The following FSTL5 variants were observed in gnomAD, a reference collection of about 807,000 sequenced individuals.
The protein encoded by FSTL5 is follistatin-related protein 5.
A neutral mutation model predicts 89.1 loss-of-function variants in FSTL5; 62 were observed. That is an observed-to-expected ratio of 0.70 (90% CI 0.57 to 0.86). The LOEUF (loss-of-function observed/expected upper bound fraction) is 0.86, where lower values mean the gene tolerates loss of function less well. Ranked by LOEUF, FSTL5 falls within the 40% of genes least tolerant of loss-of-function variation. FSTL5 has a pLI of 0.00. For synonymous variants in FSTL5, 383 were observed against 346.2 expected (o/e 1.11, Z -1.18); for missense variants, 1,057 against 1,001.6 (o/e 1.06, Z -0.75).
chr4:161,620,445 G>A (rs1204152240), intron 7 of FSTL5, among the ~76,000 whole-genome samples: 3 of 152,140 alleles, frequency 2.0e-5, no homozygotes, highest in East Asian at 1.9e-4. Flanking sequence ...ACCTGAGGTC[G>A]GCATTTTGAA....
intron 4 of FSTL5, among the ~76,000 whole-genome samples, chr4:161,842,927 G>C (rs1731257285): frequency 6.6e-6 from 1 of 151,938 alleles, no homozygotes; most frequent in African/African-American, 2.4e-5. Flanking sequence ...AGAAAAATTA[G>C]AATACCTATT....
At chr4:161,746,158 G>A (rs1427839054) in intron 6 of FSTL5, among the ~76,000 whole-genome samples, 1 of 150,472 alleles carries the variant, frequency 6.6e-6, no homozygotes, top group Non-Finnish European at 1.5e-5. Flanking sequence ...TTTTTAATTT[G>A]AGGTTTGAAG....
intron 1 of FSTL5, among the ~76,000 whole-genome samples, chr4:162,130,691 T>A (rs376256862): frequency 6.6e-6 from 1 of 151,988 alleles, no homozygotes. Flanking sequence ...AGGCTCTATA[T>A]TACATAGCTT....
At chr4:161,629,963 T>G (rs1161597689) in intron 7 of FSTL5, among the ~76,000 whole-genome samples, 1 of 152,178 alleles carries the variant, frequency 6.6e-6, no homozygotes, top group Non-Finnish European at 1.5e-5. Flanking sequence ...GCCATTCTCT[T>G]ATGCATATCT....
chr4:162,070,226 T>C (rs146661315), intron 2 of FSTL5, among the ~76,000 whole-genome samples: 101 of 152,044 alleles, frequency 6.6e-4, no homozygotes, highest in African/African-American at 2.2e-3. Flanking sequence ...TTGTTTCTGT[T>C]AGATGTTGCA....
chr4:162,068,254 A>T (rs1320323391), intron 2 of FSTL5, among the ~76,000 whole-genome samples: 1 of 152,154 alleles, frequency 6.6e-6, no homozygotes. Context: ...GGCAATCCTA[A>T]GCAAAAAGAA....
intron 8 of FSTL5, among the ~76,000 whole-genome samples, chr4:161,582,060 T>C (rs1214611454): frequency 6.6e-6 from 1 of 152,234 alleles, no homozygotes; most frequent in African/African-American, 2.4e-5. Flanking sequence ...TATTTCAATA[T>C]CTAATTTGCA....
At chr4:162,155,819 G>A (rs537277664) in intron 1 of FSTL5, among the ~76,000 whole-genome samples, 2 of 152,326 alleles carry the variant, frequency 1.3e-5, no homozygotes, top group South Asian at 4.1e-4. Context: ...TTTTGCATGT[G>A]TGCATTTCAC....
At chr4:162,057,386 C>T (rs1044969744) in intron 2 of FSTL5, among the ~76,000 whole-genome samples, 1 of 152,138 alleles carries the variant, frequency 6.6e-6, no homozygotes, top group Non-Finnish European at 1.5e-5. Flanking sequence ...TAAAACAAAA[C>T]AGTGTCTAAG....
At chr4:161,614,103 G>A (rs901453037) in intron 7 of FSTL5, among the ~76,000 whole-genome samples, 2 of 152,028 alleles carry the variant, frequency 1.3e-5, no homozygotes, top group African/African-American at 4.8e-5. Flanking sequence ...CCCTAAAGTA[G>A]GGGGTTCATA....
intron 10 of FSTL5, among the ~76,000 whole-genome samples, chr4:161,511,948 G>A (rs1054698810): frequency 1.3e-5 from 2 of 151,872 alleles, no homozygotes; most frequent in African/African-American, 4.8e-5. Flanking sequence ...GGCTAGAGAG[G>A]TTATTCCATA....
intron 4 of FSTL5, among the ~76,000 whole-genome samples, chr4:161,886,867 G>A (rs1262840635): frequency 1.3e-5 from 2 of 152,054 alleles, no homozygotes; most frequent in Non-Finnish European, 2.9e-5. Context: ...AGCAATTCAG[G>A]AATCCCTGCA....
chr4:161,896,132 T>G lies in FSTL5; in HGVS notation c.409+24272A>C, dbSNP rs573311774. The stretch of plus-strand genomic sequence containing the variant: ...TGATATATTGTCATTATTCCTGAAT[T>G]CCATAATGTTTCTAAACTCTCAAAA... On this transcript the variant is annotated intron_variant, in intron 4 of 15. Coordinates refer to ENST00000306100, the MANE Select transcript of FSTL5 (RefSeq NM_020116.5). Among the ~76,000 whole-genome samples the G allele has an allele frequency of 2.0e-5, 3 of 152,322 alleles. No homozygotes were observed. In the East Asian group the frequency reaches 5.8e-4, roughly 29 times the overall value.
At chr4:161,757,366 G>GCA (rs151056476) in intron 6 of FSTL5, among the ~76,000 whole-genome samples, 9,027 of 148,012 alleles carry the variant, frequency 0.061, 340 homozygotes, top group African/African-American at 0.11. Flanking sequence ...ACCGACATAT[G>GCA]CACACACACA....
chr4:161,442,230 A>G (rs533471301), intron 15 of FSTL5, among the ~76,000 whole-genome samples: 5 of 151,158 alleles, frequency 3.3e-5, no homozygotes, highest in African/African-American at 1.2e-4. Flanking sequence ...TTGCTCAAAT[A>G]CACTCTTTAA....
At position 161,789,621 on chromosome 4, in the gene FSTL5, C is replaced by T. The variant is rs948161750; in HGVS notation, c.410-13547G>A. On this transcript the variant is annotated intron_variant, in intron 4 of 15. Coordinates refer to ENST00000306100, the MANE Select transcript of FSTL5 (RefSeq NM_020116.5). ...TCTTTGAGCTGATTATAACATCTGCCTCGTTGCTTTATAAATAATGAGCTA... is the reference window on the plus strand; with the variant it reads ...TCTTTGAGCTGATTATAACATCTGCTTCGTTGCTTTATAAATAATGAGCTA... 2.6e-5 allele frequency among the ~76,000 whole-genome samples: 4 copies of T among 152,162 alleles called. No homozygotes were observed. In the South Asian group the frequency reaches 8.3e-4, roughly 32 times the overall value.
At chr4:162,032,045 G>A (rs1737549725) in intron 3 of FSTL5, among the ~76,000 whole-genome samples, 2 of 152,204 alleles carry the variant, frequency 1.3e-5, no homozygotes, top group South Asian at 4.2e-4. Flanking sequence ...TCTTGAAATT[G>A]TTATTGCATT....
intron 6 of FSTL5, among the ~76,000 whole-genome samples, chr4:161,758,062 C>G (rs1035217287): frequency 6.6e-6 from 1 of 152,006 alleles, no homozygotes; most frequent in Non-Finnish European, 1.5e-5. Flanking sequence ...ATCCAAAGAG[C>G]GTATTTTTAT....
At chr4:161,592,450 A>G (rs1448926113) in intron 7 of FSTL5, among the ~76,000 whole-genome samples, 1 of 151,412 alleles carries the variant, frequency 6.6e-6, no homozygotes, top group Non-Finnish European at 1.5e-5. Context: ...AGAGACCCCA[A>G]TGTGTGATGT....
Sources: allele counts gnomAD v4.1 joint callset (sites outside exome capture counted in the v4.1 genomes callset), GRCh38; gene constraint gnomAD v4.1.1; transcripts MANE v1.5; gene names NCBI Gene and HGNC (gene_info 2026-07-23, HGNC 2026-07-21).